CDC14B: variants seen among roughly 807,000 people sequenced by gnomAD.
CDC14B encodes the protein dual specificity protein phosphatase CDC14B.
In CDC14B, 22 loss-of-function variants were observed where a neutral mutation model predicts 64.2. The ratio of observed to expected loss-of-function variants is 0.34; its 90% confidence interval spans 0.24 to 0.49. The LOEUF (loss-of-function observed/expected upper bound fraction) is 0.49, where lower values mean the gene tolerates loss of function less well. Ranked by LOEUF, CDC14B falls within the 20% of genes least tolerant of loss-of-function variation. The pLI, the probability that CDC14B is intolerant of heterozygous loss-of-function variation, is 0.99. For synonymous variants in CDC14B, 191 were observed against 215.8 expected, an observed-to-expected ratio of 0.89 and a Z score of 1.01; for missense variants, 498 against 629.9, an observed-to-expected ratio of 0.79 and a Z score of 2.24.
chr9:96,512,646 A>G (rs1327401816), intron 12 of CDC14B, among the ~76,000 whole-genome samples: 3 of 152,202 alleles, frequency 2.0e-5, no homozygotes, highest in Non-Finnish European at 4.4e-5. Context: ...TTGTTTATAT[A>G]AAGTGATGGG....
At chr9:96,558,568 C>T (rs1432611344) in intron 4 of CDC14B, among the ~76,000 whole-genome samples, 1 of 152,064 alleles carries the variant, frequency 6.6e-6, no homozygotes, top group Non-Finnish European at 1.5e-5. Flanking sequence ...TTTTAAATTT[C>T]TCAAGAGTGC....
chr9:96,574,689 C>T (rs1385509192), intron 1 of CDC14B, among the ~76,000 whole-genome samples: 6 of 96,754 alleles, frequency 6.2e-5, no homozygotes, highest in African/African-American at 3.7e-4. Context: ...GAGCGAAACT[C>T]GGTCTCACAA....
chr9:96,607,530 C>T (rs1024217255), intron 1 of CDC14B, among the ~76,000 whole-genome samples: 1 of 151,298 alleles, frequency 6.6e-6, no homozygotes, highest in African/African-American at 2.4e-5. Flanking sequence ...ACGCCATTCT[C>T]CTGCCTCAGC....
intron 13 of CDC14B, among the ~76,000 whole-genome samples, chr9:96,505,448 G>A (rs1008906539): frequency 2.6e-5 from 4 of 152,160 alleles, no homozygotes; most frequent in African/African-American, 4.8e-5. Flanking sequence ...TAACAAACAC[G>A]CACCAGCGGA....
intron 4 of CDC14B, among the ~76,000 whole-genome samples, chr9:96,561,913 CA>C: frequency 6.6e-6 from 1 of 152,292 alleles, no homozygotes; most frequent in Admixed American, 6.5e-5. Context: ...CCACCAGACA[CA>C]GGGGGTAGTA....
At chr9:96,596,495 TAAG>T (rs1846087314) in intron 1 of CDC14B, among the ~76,000 whole-genome samples, 1 of 150,986 alleles carries the variant, frequency 6.6e-6, no homozygotes, top group Non-Finnish European at 1.5e-5. Context: ...AGATAAGACA[TAAG>T]AAAAGATTAG....
intron 4 of CDC14B, 195 bp downstream of exon 4, chr9:96,562,498 T>C (rs1843344891): frequency 3.4e-6 from 2 of 583,192 alleles, no homozygotes; most frequent in African/African-American, 3.7e-5. Context: ...AAGTGGAAGG[T>C]ACAGGAGATC....
intron 13 of CDC14B, among the ~76,000 whole-genome samples, chr9:96,505,721 A>G (rs1259487843): frequency 1.3e-5 from 2 of 152,210 alleles, no homozygotes; most frequent in Non-Finnish European, 2.9e-5. Context: ...AGACTCAGGG[A>G]AGGGAATGAG....
rs1333423651 is a variant in CDC14B, at chr9:96,502,914, T to C, written c.*839A>G. The C allele has an allele frequency of 1.3e-5, 5 of 398,052 alleles. No individual in the cohort carries two copies. Among genetic ancestry groups the C allele is most frequent in the Non-Finnish European group, 2.2e-5 (5 of 225,946 alleles). 24.7% of individuals were successfully genotyped at this position (398,052 alleles called of 1,614,324 possible). A position where few individuals can be genotyped will look rare whatever the true frequency, so the allele number is the denominator to read the frequency against. On this transcript the variant is annotated 3_prime_UTR_variant, in exon 14 of 14. Transcript: ENST00000375241. ...TGCTGTTTCCAAGGGGAAAAACCAATAGTGTGTTTCTTCCATTCATGGAAG... is the reference window on the plus strand; with the variant it reads ...TGCTGTTTCCAAGGGGAAAAACCAACAGTGTGTTTCTTCCATTCATGGAAG...
intron 1 of CDC14B, among the ~76,000 whole-genome samples, chr9:96,594,253 C>T (rs943368921): frequency 3.9e-5 from 6 of 152,152 alleles, no homozygotes; most frequent in African/African-American, 9.7e-5. Flanking sequence ...CCTGAATTAA[C>T]GACATGGAGC....
chr9:96,562,800 A>T lies in CDC14B; in HGVS notation c.328-15T>A. The T allele has an allele frequency of 6.8e-7, 1 of 1,481,256 alleles. No homozygotes were observed. 91.8% of individuals were successfully genotyped at this position (1,481,256 alleles called of 1,614,324 possible). A position where few individuals can be genotyped will look rare whatever the true frequency, so the allele number is the denominator to read the frequency against. On this transcript the variant is annotated splice_polypyrimidine_tract_variant and intron_variant, in intron 3 of 13. Coordinates refer to ENST00000375241, the MANE Select transcript of CDC14B (RefSeq NM_033331.4). ...ATTGTAATGGACTGCATAAAAATAA[A>T]TAACTGTTAGCATTTTCTTTTTAAT...
chr9:96,615,656 C>T (rs1588086258), intron 1 of CDC14B, among the ~76,000 whole-genome samples: 1 of 152,248 alleles, frequency 6.6e-6, no homozygotes, highest in Admixed American at 6.5e-5. Context: ...GGAACGCTGG[C>T]GGCGTAGCCA....
At chr9:96,569,209 CA>C (rs1435104461) in intron 1 of CDC14B, among the ~76,000 whole-genome samples, 4 of 152,172 alleles carry the variant, frequency 2.6e-5, no homozygotes, top group Non-Finnish European at 5.9e-5. Context: ...TGCAGGCTAA[CA>C]GTGTTTTTCC....
At chr9:96,608,508 G>A (rs947527815) in intron 1 of CDC14B, among the ~76,000 whole-genome samples, 2 of 152,118 alleles carry the variant, frequency 1.3e-5, no homozygotes, top group African/African-American at 4.8e-5. Context: ...ATACATTCAT[G>A]TCAAAGCAGT....
chr9:96,556,929 C>T (rs1842576150), intron 4 of CDC14B, among the ~76,000 whole-genome samples: 3 of 152,176 alleles, frequency 2.0e-5, no homozygotes, highest in Admixed American at 6.5e-5. Flanking sequence ...TGGAAGAGGG[C>T]CTGCTCCTCT....
intron 5 of CDC14B, among the ~76,000 whole-genome samples, chr9:96,548,995 T>C (rs536981669): frequency 4.7e-4 from 71 of 152,354 alleles, no homozygotes; most frequent in Admixed American, 7.2e-4. Context: ...AAGAATATAA[T>C]GTCATTTCTA....
At chr9:96,506,631 T>G (rs761732841) in intron 13 of CDC14B, among the ~76,000 whole-genome samples, 5 of 152,228 alleles carry the variant, frequency 3.3e-5, no homozygotes, top group Non-Finnish European at 7.3e-5. Context: ...CTTTTTGGTT[T>G]TCAGAACTAT....
intron 13 of CDC14B, among the ~76,000 whole-genome samples, chr9:96,505,760 C>A (rs971217267): frequency 6.6e-6 from 1 of 152,190 alleles, no homozygotes; most frequent in Non-Finnish European, 1.5e-5. Context: ...CTGGCAGGAC[C>A]GAGGGCCACA....
intron 1 of CDC14B, among the ~76,000 whole-genome samples, chr9:96,607,055 A>G (rs116267220): frequency 0.01 from 1,528 of 151,962 alleles, 22 homozygotes; most frequent in African/African-American, 0.035. Context: ...AAAAATTTAA[A>G]TAAGAATTCC....
Sources: gnomAD v4.1 joint callset for allele counts (sites outside exome capture counted in the v4.1 genomes callset) on GRCh38, gnomAD v4.1.1 for gene constraint, MANE v1.5 for transcripts, NCBI Gene and HGNC (gene_info 2026-07-23, HGNC 2026-07-21) for gene names.